The following MYO9B variants were observed in gnomAD, a reference collection of about 807,000 sequenced individuals.
MYO9B encodes the protein myosin IXB, also known as unconventional myosin-IXb.
MYO9B carries 71 observed loss-of-function variants against 229.5 expected under a neutral mutation model. That is an observed-to-expected ratio of 0.31 (90% CI 0.26 to 0.38). The LOEUF (loss-of-function observed/expected upper bound fraction) is 0.38. Ranked by LOEUF, MYO9B falls within the 10% of genes least tolerant of loss-of-function variation. The probability of loss-of-function intolerance (pLI) is 1.00; values close to 1 mark genes in which losing one functional copy is unlikely to be tolerated. For synonymous variants in MYO9B, 1,185 were observed against 1,235.8 expected (o/e 0.96, Z 0.86); for missense variants, 2,255 against 2,920.5 (o/e 0.77, Z 5.25).
At position 17,211,927 on chromosome 19, in the gene MYO9B, GCGCC is replaced by G; in HGVS notation, c.6093_6096del (p.Thr2033ArgfsTer19). The G allele has an allele frequency of 6.4e-7, 1 of 1,569,776 alleles. No homozygotes were observed. Among genetic ancestry groups the G allele is most frequent in the Non-Finnish European group, 8.6e-7 (1 of 1,157,804 alleles). On this transcript the variant is annotated frameshift_variant, in exon 40 of 40. Transcript: ENST00000682292. LOFTEE classifies it low-confidence loss of function (END_TRUNC). ...TGCGCCTGCTCTCCCTTGCCCCGGC[GCGCC>G]CACCCCGAGCCCCCTCCCCACCGTG...
At chr19:17,145,697 G>A (rs553993427) in intron 3 of MYO9B, among the ~76,000 whole-genome samples, 1 of 152,264 alleles carries the variant, frequency 6.6e-6, no homozygotes, top group Admixed American at 6.5e-5. Flanking sequence ...GCTGGGGGAC[G>A]TGGCTAGAGG....
At chr19:17,110,804 G>A (rs114893796) in intron 2 of MYO9B, among the ~76,000 whole-genome samples, 1,831 of 152,132 alleles carry the variant, frequency 0.012, 47 homozygotes, top group African/African-American at 0.041. Flanking sequence ...AAGTTGTGCC[G>A]ATGCCCAGGA....
intron 2 of MYO9B, among the ~76,000 whole-genome samples, chr19:17,140,357 C>T (rs528212189): frequency 3.3e-5 from 5 of 152,272 alleles, no homozygotes; most frequent in African/African-American, 7.2e-5. Flanking sequence ...TGTCCTCACA[C>T]GGTGGAAGGA....
intron 9 of MYO9B, 132 bp from the exon 10 acceptor site, chr19:17,162,856 G>A: frequency 9.8e-7 from 1 of 1,022,640 alleles, no homozygotes. Context: ...GCTGGTAATG[G>A]CAAAGTGTTC....
In MYO9B at chr19:17,210,728, A is replaced by G. The variant is rs944431962; in HGVS notation, c.5810A>G (p.Lys1937Arg). The G allele has an allele frequency of 1.9e-6, 3 of 1,551,768 alleles. No homozygotes were observed. The highest frequency in any genetic ancestry group is 2.7e-5 in the African/African-American group (2 of 73,038). Residue 1937 changes from lysine (K) to arginine (R), a missense_variant, in exon 38 of 40, where the codon AAG becomes AGG. Lys to Arg is a conservative substitution (Grantham distance 26, BLOSUM62 2). Transcript: ENST00000682292. The part of the protein sequence containing the change: ...PYEGVLNKSP[K>R]TRDIQEEELE... ...TCTTTGTTTCAGAACAAGAGCCCCA[A>G]GACCCGGGACATCCAGGAGGAGGAG...
chr19:17,182,226 C>T (rs1440715569), intron 15 of MYO9B, among the ~76,000 whole-genome samples: 4 of 151,934 alleles, frequency 2.6e-5, no homozygotes, highest in African/African-American at 9.7e-5. Context: ...ACTACAGGTG[C>T]GCATTACCAC....
chr19:17,210,732 C>G lies in MYO9B; in HGVS notation c.5814C>G (p.Thr1938=). Residue 1938 remains threonine (T), a synonymous_variant, in exon 38 of 40, where the codon ACC becomes ACG. Coordinates refer to ENST00000682292, the MANE Select transcript of MYO9B (RefSeq NM_004145.4). ...YEGVLNKSPK[T]RDIQEEELEV... Reference sequence around the variant, plus strand: ...TGTTTCAGAACAAGAGCCCCAAGACCCGGGACATCCAGGAGGAGGAGCTGG... The same window carrying G: ...TGTTTCAGAACAAGAGCCCCAAGACGCGGGACATCCAGGAGGAGGAGCTGG... 6.4e-7 allele frequency: 1 copy of G among 1,554,230 alleles called. No homozygotes were observed. The highest frequency in any genetic ancestry group is 1.2e-5 in the South Asian group (1 of 83,946).
At position 17,161,721 on chromosome 19, in the gene MYO9B, C is replaced by T. The variant is rs940305825; in HGVS notation, c.1420-629C>T. ...ATCCCAGCTACTCAGAAGGCTGAGG[C>T]TGGAGAATCGCTTGAACCCAGGAGG... On this transcript the variant is annotated intron_variant, in intron 8 of 39. Coordinates refer to ENST00000682292, the MANE Select transcript of MYO9B (RefSeq NM_004145.4). 2.6e-5 allele frequency among the ~76,000 whole-genome samples: 4 copies of T among 152,184 alleles called. No individual in the cohort carries two copies. The South Asian group carries it at 8.3e-4, about 32-fold the overall frequency.
intron 14 of MYO9B, 98 bp from the exon 15 acceptor site, chr19:17,180,829 G>T: frequency 1.4e-6 from 1 of 731,438 alleles, no homozygotes. Context: ...TCAGTGGCCT[G>T]GGGATGGTCC....
intron 16 of MYO9B, chr19:17,184,561 G>A (rs1013262657): frequency 6.4e-6 from 2 of 312,992 alleles, no homozygotes; most frequent in East Asian, 1.3e-4. Context: ...GGAGAGGGAC[G>A]GCCAGGTTCA....
At chr19:17,201,872 G>A in intron 26 of MYO9B, 54 bp from the exon 27 acceptor site, 1 of 1,371,252 alleles carries the variant, frequency 7.3e-7, no homozygotes, top group Non-Finnish European at 1.0e-6. Context: ...ACCTCCTCGG[G>A]TACGCAGGTC....
chr19:17,205,880 C>T (rs1452838819), intron 31 of MYO9B, 80 bp from the exon 32 acceptor site: 21 of 1,375,286 alleles, frequency 1.5e-5, no homozygotes, highest in Admixed American at 1.5e-4. Context: ...TTGTGCGGGA[C>T]CAGGAGGCAG....
intron 2 of MYO9B, among the ~76,000 whole-genome samples, chr19:17,108,098 T>A (rs974988387): frequency 6.6e-6 from 1 of 152,172 alleles, no homozygotes; most frequent in Admixed American, 6.5e-5. Context: ...CCCTCCAGCC[T>A]CCACGCCTGC....
At chr19:17,187,176 C>G (rs1399142669) in intron 18 of MYO9B, among the ~76,000 whole-genome samples, 1 of 152,186 alleles carries the variant, frequency 6.6e-6, no homozygotes, top group African/African-American at 2.4e-5. Context: ...CCCTGTGTCC[C>G]CATCAGACCC....
chr19:17,138,306 G>A (rs923436402), intron 2 of MYO9B, among the ~76,000 whole-genome samples: 2 of 152,140 alleles, frequency 1.3e-5, no homozygotes, highest in Admixed American at 1.3e-4. Context: ...ATCACTGATG[G>A]ACATTTGGGT....
At chr19:17,124,480 A>G (rs2057995674) in intron 2 of MYO9B, among the ~76,000 whole-genome samples, 1 of 152,198 alleles carries the variant, frequency 6.6e-6, no homozygotes, top group Non-Finnish European at 1.5e-5. Flanking sequence ...AGATGAAGAG[A>G]TACAAACACA....
In MYO9B at chr19:17,206,703, T is replaced by A; in HGVS notation, c.5411T>A (p.Leu1804Gln). Residue 1804 changes from leucine to glutamine, a missense_variant, in exon 34 of 40, where the codon CTG becomes CAG. Physicochemically the swap from Leu to Gln is moderately radical, Grantham distance 113. This residue lies in a region of MYO9B where 416 missense variants were observed against 605.5 expected (regional missense o/e 0.69). Transcript: ENST00000682292. The stretch of plus-strand genomic sequence containing the variant: ...GAGCTGCCGGAGAAGCAGGAGCAGC[T>A]GGCTGCCATCTATGCCGTCCTGGAG... ...AVELPEKQEQ[L>Q]AAIYAVLEHL... 1 of 1,582,630 alleles carries A rather than the reference T, an allele frequency of 6.3e-7. No homozygotes were observed. Among genetic ancestry groups the A allele is most frequent in the Non-Finnish European group, 8.6e-7 (1 of 1,165,336 alleles).
chr19:17,154,971 C>CA (rs1005478544), intron 6 of MYO9B, among the ~76,000 whole-genome samples: 8 of 144,914 alleles, frequency 5.5e-5, no homozygotes, highest in African/African-American at 1.3e-4. Context: ...GACCCAGTCT[C>CA]AAAAAAAAAA....
chr19:17,114,823 A>T (rs2057885173), intron 2 of MYO9B, among the ~76,000 whole-genome samples: 1 of 151,728 alleles, frequency 6.6e-6, no homozygotes, highest in Non-Finnish European at 1.5e-5. Flanking sequence ...ACAAGTCAAG[A>T]ACCACTGCCG....
Sources: gnomAD v4.1 joint callset for allele counts (sites outside exome capture counted in the v4.1 genomes callset) on GRCh38, gnomAD v4.1.1 for gene constraint, gnomAD v4.1.1 regional missense constraint, MANE v1.5 for transcripts, NCBI Gene and HGNC (gene_info 2026-07-23, HGNC 2026-07-21) for gene names.